GABRG2: variants seen among roughly 807,000 people sequenced by gnomAD.
GABRG2 encodes gamma-aminobutyric acid type A receptor subunit gamma2.
In GABRG2, 16 loss-of-function variants were observed where a neutral mutation model predicts 56.4. The observed-to-expected ratio is 0.28, with a 90% CI of 0.19 to 0.43. The LOEUF (loss-of-function observed/expected upper bound fraction) is 0.43, where lower values mean the gene tolerates loss of function less well. GABRG2 is among the 20% of genes least tolerant of loss of function. The pLI is 1.00. For missense variants in GABRG2, 327 were observed against 582.7 expected, an observed-to-expected ratio of 0.56 and a Z score of 4.52; for synonymous variants, 208 against 205.5, an observed-to-expected ratio of 1.01 and a Z score of -0.10.
chr5:162,128,434 A>G (rs1410555657), intron 6 of GABRG2: 1 of 151,960 alleles, frequency 6.6e-6, no homozygotes, highest in Non-Finnish European at 1.5e-5. Flanking sequence ...GGTTTGTTTT[A>G]CATAACAGCA....
chr5:162,078,386 TATATATATATA>T (rs1158570279), intron 1 of GABRG2, among the ~76,000 whole-genome samples: 6 of 38,854 alleles, frequency 1.5e-4, no homozygotes, highest in Admixed American at 6.9e-4. Context: ...TATATATATA[TATATATATATA>T]TTTTTTTTTT....
In GABRG2 at chr5:162,153,379, G is replaced by C; in HGVS notation, c.*11G>C. On this transcript the variant is annotated 3_prime_UTR_variant, in exon 10 of 10. Coordinates refer to ENST00000639213, the MANE Select transcript of GABRG2 (RefSeq NM_198904.4). Reference sequence around the variant, plus strand: ...TACCTCTACCTGTGAGGAGGTATGGGTTTTACTGATATGGTTCTTATTCAC... The same window carrying C: ...TACCTCTACCTGTGAGGAGGTATGGCTTTTACTGATATGGTTCTTATTCAC... 2 of 1,613,740 alleles carry C rather than the reference G, an allele frequency of 1.2e-6. No individual in the cohort carries two copies. Among genetic ancestry groups the C allele is most frequent in the African/African-American group, 1.3e-5 (1 of 75,020 alleles).
chr5:162,093,810 C>CA lies in GABRG2; in HGVS notation c.108-16dup. 6 of 1,610,982 alleles carry CA rather than the reference C, an allele frequency of 3.7e-6. No homozygotes were observed. The highest frequency in any genetic ancestry group is 5.1e-6 in the Non-Finnish European group (6 of 1,177,898). Reference sequence around the variant, plus strand: ...GTGTGTAATCTATGTGTTTTTTGACCAATATGTTTTTTCTTAGCTTCACTA... The same window carrying CA: ...GTGTGTAATCTATGTGTTTTTTGACCAAATATGTTTTTTCTTAGCTTCACTA... On this transcript the variant is annotated splice_polypyrimidine_tract_variant and intron_variant, in intron 1 of 9. Transcript: ENST00000639213.
chr5:162,115,806 G>A (rs1762576040), intron 6 of GABRG2, among the ~76,000 whole-genome samples: 1 of 151,952 alleles, frequency 6.6e-6, no homozygotes, highest in African/African-American at 2.4e-5. Flanking sequence ...CTGTGAGTCG[G>A]CAGTCAAAAT....
chr5:162,128,349 C>T (rs1167425575), intron 6 of GABRG2: 1 of 152,002 alleles, frequency 6.6e-6, no homozygotes, highest in African/African-American at 2.4e-5. Context: ...GGCAGAGAGA[C>T]ACTGTCAGTC....
intron 2 of GABRG2, 151 bp downstream of exon 2, chr5:162,094,130 G>C (rs1466073866): frequency 1.3e-6 from 1 of 781,388 alleles, no homozygotes; most frequent in Non-Finnish European, 2.1e-6. Flanking sequence ...TAGCATTCAG[G>C]CCTATGAGTG....
chr5:162,094,043 A>G (rs1241600514), intron 2 of GABRG2, 64 bp downstream of exon 2: 2 of 1,514,066 alleles, frequency 1.3e-6, no homozygotes, highest in Non-Finnish European at 1.8e-6. Flanking sequence ...ACTTTAATAG[A>G]TAAAACATCA....
At chr5:162,151,482 C>T (rs1219599069) in intron 8 of GABRG2, 1 of 444,714 alleles carries the variant, frequency 2.2e-6, no homozygotes, top group African/African-American at 2.0e-5. Flanking sequence ...CTGGCTTCTT[C>T]AGTCAAGTAA....
rs191733005 is a variant in GABRG2 at position 162,080,393 on chromosome 5, G to A, written c.107+12287G>A. ...AGGAGCCCAGCATGAAAATGTTGAA[G>A]GGAAGACCATTATCATCATAGGTAA... On this transcript the variant is annotated intron_variant, in intron 1 of 9. Coordinates refer to ENST00000639213, the MANE Select transcript of GABRG2 (RefSeq NM_198904.4). Among the ~76,000 whole-genome samples, 4 of 152,106 alleles carry A rather than the reference G, an allele frequency of 2.6e-5. No homozygotes were observed. The East Asian group carries it at 7.8e-4, about 29-fold the overall frequency.
chr5:162,090,708 A>G (rs1440023541), intron 1 of GABRG2, among the ~76,000 whole-genome samples: 1 of 152,202 alleles, frequency 6.6e-6, no homozygotes, highest in African/African-American at 2.4e-5. Flanking sequence ...TCTGTAAGAA[A>G]GTATTTTTAA....
chr5:162,147,823 A>C (rs891205258), intron 7 of GABRG2, among the ~76,000 whole-genome samples: 3 of 152,214 alleles, frequency 2.0e-5, no homozygotes, highest in Non-Finnish European at 2.9e-5. Flanking sequence ...TATAAATAAC[A>C]AAACCTGGTA....
At chr5:162,148,990 C>T (rs556018617) in intron 7 of GABRG2, 118 bp from the exon 8 acceptor site, 1 of 852,902 alleles carries the variant, frequency 1.2e-6, no homozygotes, top group Non-Finnish European at 2.0e-6. Flanking sequence ...CTTATACCTC[C>T]TTTCCCATTG....
At chr5:162,085,827 G>A (rs148971731) in intron 1 of GABRG2, among the ~76,000 whole-genome samples, 4 of 151,948 alleles carry the variant, frequency 2.6e-5, no homozygotes, top group Middle Eastern at 3.4e-3. Flanking sequence ...AGAATATGCG[G>A]TATTTGGTTT....
intron 6 of GABRG2, among the ~76,000 whole-genome samples, chr5:162,118,737 G>A (rs921897967): frequency 9.9e-5 from 15 of 152,096 alleles, no homozygotes; most frequent in Non-Finnish European, 1.5e-5. Flanking sequence ...GGGTTCCTGT[G>A]ATCAGATTTT....
At chr5:162,131,702 A>G (rs1004699334) in intron 6 of GABRG2, among the ~76,000 whole-genome samples, 2 of 152,068 alleles carry the variant, frequency 1.3e-5, no homozygotes, top group African/African-American at 2.4e-5. Context: ...CATGCATACT[A>G]TCAATCCACA....
Position 162,153,452 on chromosome 5 carries a change from CTA to C in GABRG2, c.*86_*87del, listed in dbSNP as rs771639644. The C allele has an allele frequency of 1.1e-5, 16 of 1,439,242 alleles. No homozygotes were observed. In the East Asian group the frequency reaches 3.6e-4, roughly 33 times the overall value. 89.2% of individuals were successfully genotyped at this position (1,439,242 alleles called of 1,614,324 possible). A position where few individuals can be genotyped will look rare whatever the true frequency, so the allele number is the denominator to read the frequency against. On this transcript the variant is annotated 3_prime_UTR_variant, in exon 10 of 10. Transcript: ENST00000639213. ...GTTCTAAGTCCACTTAAATAATCCT[CTA>C]TGTGGTTGATAATGATCTGAATCTG...
chr5:162,075,166 C>G (rs1758994844), intron 1 of GABRG2, among the ~76,000 whole-genome samples: 1 of 152,142 alleles, frequency 6.6e-6, no homozygotes, highest in Non-Finnish European at 1.5e-5. Flanking sequence ...TCCTTCTTAG[C>G]AGTGTACCAC....
intron 6 of GABRG2, among the ~76,000 whole-genome samples, chr5:162,135,458 T>C (rs1431945793): frequency 6.6e-6 from 1 of 152,168 alleles, no homozygotes; most frequent in African/African-American, 2.4e-5. Flanking sequence ...AACAAATAAT[T>C]GTGGAATTCC....
chr5:162,109,809 C>A (rs998164076), intron 6 of GABRG2, among the ~76,000 whole-genome samples: 4 of 152,020 alleles, frequency 2.6e-5, no homozygotes, highest in African/African-American at 7.2e-5. Flanking sequence ...TAATTTTTGA[C>A]TCTTTTTTCT....
Sources: allele counts gnomAD v4.1 joint callset (sites outside exome capture counted in the v4.1 genomes callset), GRCh38; gene constraint gnomAD v4.1.1; transcripts MANE v1.5; gene names NCBI Gene and HGNC (gene_info 2026-07-23, HGNC 2026-07-21).